The following VPS37B variants were observed in gnomAD, a reference collection of about 807,000 sequenced individuals.
VPS37B encodes the protein vacuolar protein sorting-associated protein 37B.
In VPS37B, 11 loss-of-function variants were observed where a neutral mutation model predicts 21.2. That is an observed-to-expected ratio of 0.52 (90% CI 0.33 to 0.86). The LOEUF is 0.86. Among genes scored for constraint, VPS37B ranks in the 40% least tolerant of loss-of-function variants. The pLI is 0.03. For missense variants in VPS37B, 389 were observed against 374.8 expected (o/e 1.04, Z -0.31); for synonymous variants, 175 against 159.6 (o/e 1.10, Z -0.73).
At chr12:122,875,112 T>G (rs975080457) in intron 1 of VPS37B, 9 of 151,400 alleles carry the variant, frequency 5.9e-5, no homozygotes, top group African/African-American at 2.2e-4. Context: ...GAGACTGGAA[T>G]GCAGTGGCGT....
In VPS37B at chr12:122,870,869, T is replaced by C. The variant is rs755354504; in HGVS notation, c.283+21A>G. Reference sequence around the variant, plus strand: ...CTTCTCTCAACTCTTTATTCTCGAATGATCACCCTTAAAAAGTTACCTAAT... The same window carrying C: ...CTTCTCTCAACTCTTTATTCTCGAACGATCACCCTTAAAAAGTTACCTAAT... On this transcript the variant is annotated intron_variant, in intron 2 of 3. Coordinates refer to ENST00000267202, the MANE Select transcript of VPS37B (RefSeq NM_024667.3). 5 of 1,597,364 alleles carry C rather than the reference T, an allele frequency of 3.1e-6. No homozygotes were observed. In the South Asian group the frequency reaches 4.5e-5, roughly 14 times the overall value.
chr12:122,880,050 G>A (rs1409495794), intron 1 of VPS37B: 1 of 152,016 alleles, frequency 6.6e-6, no homozygotes, highest in Non-Finnish European at 1.5e-5. Context: ...GGAGTCAGAG[G>A]CTACAGTGAG....
rs1467086020 is a variant in VPS37B, at chr12:122,868,990, C to T, written c.284-428G>A. The stretch of plus-strand genomic sequence containing the variant: ...ACCCGCCAGATAACCCCTACGCTGG[C>T]CTCCACCACCACAGAGGAGGTCCGC... On this transcript the variant is annotated intron_variant, in intron 2 of 3. Transcript: ENST00000267202. This position sits in a 1 kb window ranked among gnomAD's most constrained non-coding sequence, Gnocchi z 5.5. 6.6e-6 allele frequency among the ~76,000 whole-genome samples: 1 copy of T among 152,190 alleles called. No individual in the cohort carries two copies. The highest frequency in any genetic ancestry group is 1.5e-5 in the Non-Finnish European group (1 of 68,038).
chr12:122,888,707 C>G, intron 1 of VPS37B: 1 of 386,694 alleles, frequency 2.6e-6, no homozygotes, highest in Non-Finnish European at 5.4e-6. Context: ...GTTAGGTCAT[C>G]CAACTTGTTT....
intron 1 of VPS37B, chr12:122,882,368 C>T (rs1400788774): frequency 2.6e-5 from 4 of 152,148 alleles, no homozygotes; most frequent in African/African-American, 9.7e-5. Context: ...ATGTCTAAGA[C>T]CAATCCTGTA....
At chr12:122,886,503 T>A (rs1315273809) in intron 1 of VPS37B, 4 of 152,168 alleles carry the variant, frequency 2.6e-5, no homozygotes, top group Non-Finnish European at 5.9e-5. Context: ...GCGCCCGTAA[T>A]CCCAGCTACT....
chr12:122,871,336 C>A (rs2034029808), intron 1 of VPS37B: 1 of 1,162,434 alleles, frequency 8.6e-7, no homozygotes, highest in African/African-American at 1.6e-5. Flanking sequence ...GCCTTCCCTG[C>A]CACGGCTGCG....
At chr12:122,872,422 C>G in intron 1 of VPS37B, 1 of 985,454 alleles carries the variant, frequency 1.0e-6, no homozygotes, top group Non-Finnish European at 1.2e-6. Flanking sequence ...CAATGAAAAC[C>G]AAACCTCTCT....
At chr12:122,872,737 A>C in intron 1 of VPS37B, 1 of 967,254 alleles carries the variant, frequency 1.0e-6, no homozygotes, top group Non-Finnish European at 1.2e-6. Flanking sequence ...AATAAAGCTG[A>C]ATACGTAACT....
rs879081980 is a variant in VPS37B, at chr12:122,867,349, G to C, written c.625C>G (p.Pro209Ala). The C allele has an allele frequency of 6.3e-7, 1 of 1,599,224 alleles. No homozygotes were observed. Among genetic ancestry groups the C allele is most frequent in the Non-Finnish European group, 8.5e-7 (1 of 1,173,744 alleles). ...PPAVAPRRIPPPPPPVPAGRL... is the reference protein window; with the variant it reads ...PPAVAPRRIPAPPPPVPAGRL... ...CCCGCAGGCACCGGGGGTGGTGGGGGGGGGATGCGCCGAGGTGCAACGGCA... is the reference window on the plus strand; with the variant it reads ...CCCGCAGGCACCGGGGGTGGTGGGGCGGGGATGCGCCGAGGTGCAACGGCA... The change falls in exon 4 of 4, where the codon CCC (proline) becomes GCC (alanine). Residue 209 changes from proline to alanine, a missense_variant. Physicochemically the swap from Pro to Ala is conservative, Grantham distance 27. Transcript: ENST00000267202. The surrounding 1 kb of genome is among the most constrained non-coding windows in gnomAD (Gnocchi z 5.5).
intron 1 of VPS37B, chr12:122,889,361 T>G (rs907798907): frequency 2.0e-5 from 3 of 152,650 alleles, no homozygotes; most frequent in Non-Finnish European, 4.4e-5. Context: ...TAACCTCCAC[T>G]TCCGCCGCCA....
intron 2 of VPS37B, 133 bp downstream of exon 2, chr12:122,870,757 T>G: frequency 1.2e-6 from 1 of 860,192 alleles, no homozygotes; most frequent in Non-Finnish European, 1.8e-6. Flanking sequence ...CATAAGCTAT[T>G]TGTTCATTGC....
rs1331352881 is a variant in VPS37B at position 122,866,623 on chromosome 12, A to ACGCAGCCACAGGTGGTGG, written c.*475_*492dup. 6.5e-6 allele frequency: 1 copy of ACGCAGCCACAGGTGGTGG among 152,736 alleles called. No individual in the cohort carries two copies. The highest frequency in any genetic ancestry group is 2.4e-5 in the African/African-American group (1 of 41,386). The allele number at this position is 152,736 out of a possible 1,614,324, so 9.5% of individuals were successfully genotyped here. A position where few individuals can be genotyped will look rare whatever the true frequency, so the allele number is the denominator to read the frequency against. On this transcript the variant is annotated 3_prime_UTR_variant, in exon 4 of 4. Coordinates refer to ENST00000267202, the MANE Select transcript of VPS37B (RefSeq NM_024667.3). ...TCCCCAACAGATTCAGTGAGCAACAACGCAGCCACAGGTGGTGGCCCAGCC... is the reference window on the plus strand; with the variant it reads ...TCCCCAACAGATTCAGTGAGCAACAACGCAGCCACAGGTGGTGGCGCAGCCACAGGTGGTGGCCCAGCC...
intron 1 of VPS37B, chr12:122,888,760 C>A (rs751179410): frequency 5.8e-6 from 2 of 346,550 alleles, no homozygotes; most frequent in Non-Finnish European, 1.2e-5. Context: ...CTTTCCTTCT[C>A]CCAACCCACT....
rs999934251 is a variant in VPS37B, at chr12:122,871,346, G to A, written c.112-285C>T. 2.6e-5 allele frequency: 30 copies of A among 1,137,430 alleles called. No individual in the cohort carries two copies. The East Asian group carries it at 5.2e-4, about 20-fold the overall frequency. The allele number at this position is 1,137,430 out of a possible 1,614,324, so 70.5% of individuals were successfully genotyped here. A position where few individuals can be genotyped will look rare whatever the true frequency, so the allele number is the denominator to read the frequency against. On this transcript the variant is annotated intron_variant, in intron 1 of 3. Coordinates refer to ENST00000267202, the MANE Select transcript of VPS37B (RefSeq NM_024667.3). ...GCAGAGCCTTCCCTGCCACGGCTGC[G>A]CTGTGACTTGAATTCCTTACTACGG...
chr12:122,874,643 G>A (rs2034111793), intron 1 of VPS37B: 1 of 152,194 alleles, frequency 6.6e-6, no homozygotes. Context: ...GGCATCAAAA[G>A]AGGCCAAATA....
chr12:122,873,552 T>A (rs2034080155), intron 1 of VPS37B: 1 of 152,246 alleles, frequency 6.6e-6, no homozygotes, highest in Non-Finnish European at 1.5e-5. Flanking sequence ...CAGGGAATTC[T>A]GAGAAACAGG....
intron 1 of VPS37B, among the ~76,000 whole-genome samples, chr12:122,894,390 C>A (rs2034458575): frequency 6.6e-6 from 1 of 152,226 alleles, no homozygotes; most frequent in African/African-American, 2.4e-5. Flanking sequence ...TACCATCTTA[C>A]TACAGTGGCC....
At chr12:122,892,857 T>G (rs1454763275) in intron 1 of VPS37B, among the ~76,000 whole-genome samples, 1 of 152,098 alleles carries the variant, frequency 6.6e-6, no homozygotes, top group Admixed American at 6.5e-5. Context: ...GGTTAGGAGT[T>G]CAAAACCAGC....
Sources: gnomAD v4.1 joint callset for allele counts (sites outside exome capture counted in the v4.1 genomes callset) on GRCh38, gnomAD v4.1.1 for gene constraint, Gnocchi (gnomAD v3.1) non-coding constraint, MANE v1.5 for transcripts, NCBI Gene and HGNC (gene_info 2026-07-23, HGNC 2026-07-21) for gene names.